HMCES: variants seen among roughly 807,000 people sequenced by gnomAD.
HMCES encodes the protein abasic site processing protein HMCES.
HMCES carries 27 observed loss-of-function variants against 35.1 expected under a neutral mutation model. The observed-to-expected ratio is 0.77, with a 90% confidence interval of 0.57 to 1.06. The LOEUF is 1.06. Among genes scored for constraint, HMCES ranks in the 50% least tolerant of loss-of-function variants. HMCES has a pLI of 0.00. For synonymous variants in HMCES, 130 were observed against 154.7 expected (o/e 0.84, Z 1.18); for missense variants, 391 against 430.4 (o/e 0.91, Z 0.81).
chr3:129,300,910 A>T (rs535653679), intron 5 of HMCES, among the ~76,000 whole-genome samples: 4 of 152,216 alleles, frequency 2.6e-5, no homozygotes, highest in Admixed American at 2.0e-4. Context: ...GGCTGCCTGT[A>T]GTCCCAGCTA....
At chr3:129,300,827 G>A (rs534624918) in intron 5 of HMCES, among the ~76,000 whole-genome samples, 15 of 151,926 alleles carry the variant, frequency 9.9e-5, no homozygotes, top group African/African-American at 2.9e-4. Flanking sequence ...TCAGGAGATC[G>A]AGACCATCCT....
Position 129,302,172 on chromosome 3 carries a change from T to C in HMCES, c.828+30T>C, listed in dbSNP as rs1170048758. 5 of 1,544,606 alleles carry C rather than the reference T, an allele frequency of 3.2e-6. No homozygotes were observed. In the African/African-American group the frequency reaches 6.9e-5, roughly 21 times the overall value. On this transcript the variant is annotated intron_variant, in intron 6 of 6. Coordinates refer to ENST00000383463, the MANE Select transcript of HMCES (RefSeq NM_020187.3). ...GGGCCTGTGACTGGTACAGTCCTTTTTGAGCTTTCTGTCTTCTGTCAGTGT... is the reference window on the plus strand; with the variant it reads ...GGGCCTGTGACTGGTACAGTCCTTTCTGAGCTTTCTGTCTTCTGTCAGTGT...
chr3:129,298,943 G>C (rs1244647752), intron 5 of HMCES, among the ~76,000 whole-genome samples: 2 of 152,158 alleles, frequency 1.3e-5, no homozygotes, highest in Non-Finnish European at 2.9e-5. Flanking sequence ...AGGAGATCGA[G>C]ACCATCCTGG....
At chr3:129,282,255 T>G (rs1940512921) in intron 2 of HMCES, among the ~76,000 whole-genome samples, 1 of 147,102 alleles carries the variant, frequency 6.8e-6, no homozygotes, top group Admixed American at 6.7e-5. Flanking sequence ...AGGCCAGGAT[T>G]TCAGGACACC....
intron 4 of HMCES, 144 bp from the exon 5 acceptor site, chr3:129,298,210 C>G: frequency 1.4e-6 from 1 of 691,422 alleles, no homozygotes; most frequent in Non-Finnish European, 2.4e-6. Flanking sequence ...ACCTTCTTTC[C>G]TTTGGTGACA....
intron 2 of HMCES, among the ~76,000 whole-genome samples, chr3:129,285,993 G>A (rs773617920): frequency 6.6e-6 from 1 of 152,184 alleles, no homozygotes; most frequent in African/African-American, 2.4e-5. Context: ...GCCTCCCAAA[G>A]TGCTGGGATT....
chr3:129,288,056 CA>C lies in HMCES; in HGVS notation c.184-789del, dbSNP rs545251733. 4.8e-3 allele frequency among the ~76,000 whole-genome samples: 694 copies of C among 144,998 alleles called. 8 individuals carry two copies. Among genetic ancestry groups the C allele is most frequent in the African/African-American group, 0.017 (656 of 39,182 alleles). On this transcript the variant is annotated intron_variant, in intron 2 of 6. Coordinates refer to ENST00000383463, the MANE Select transcript of HMCES (RefSeq NM_020187.3). ...TGGGCAACAGAGCGAGACTCCGTCT[CA>C]AAAAAAAATAAAAATAAAAAAATTC...
chr3:129,296,959 C>T (rs966507885), intron 4 of HMCES, among the ~76,000 whole-genome samples: 6 of 152,028 alleles, frequency 3.9e-5, no homozygotes, highest in Non-Finnish European at 5.9e-5. Context: ...AGGATGGTCT[C>T]GATCTCCTGA....
At position 129,306,151 on chromosome 3, in the gene HMCES, T is replaced by C. The variant is rs1035582928; in HGVS notation, c.*1326T>C. ...ACTTACTAGTATGACTGTTTTGTCA[T>C]ATTTGCTTCCAGGTTAATAAATGAC... On this transcript the variant is annotated 3_prime_UTR_variant, in exon 7 of 7. Transcript: ENST00000383463. 6.6e-6 allele frequency: 1 copy of C among 152,268 alleles called. No homozygotes were observed. The highest frequency in any genetic ancestry group is 1.5e-5 in the Non-Finnish European group (1 of 68,046). The allele number at this position is 152,268 out of a possible 1,614,324, so 9.4% of individuals were successfully genotyped here. A position where few individuals can be genotyped will look rare whatever the true frequency, so the allele number is the denominator to read the frequency against.
Position 129,279,544 on chromosome 3 carries a change from C to G in HMCES, c.-23-166C>G, listed in dbSNP as rs1055979843. ...TGGGCAGTGGGCTCAGGGAGCGAAGCAAACGGGCACATCCTTGTCTTTGTG... is the reference window on the plus strand; with the variant it reads ...TGGGCAGTGGGCTCAGGGAGCGAAGGAAACGGGCACATCCTTGTCTTTGTG... On this transcript the variant is annotated intron_variant, in intron 1 of 6. Coordinates refer to ENST00000383463, the MANE Select transcript of HMCES (RefSeq NM_020187.3). This position sits in a 1 kb window ranked among gnomAD's most constrained non-coding sequence, Gnocchi z 4.2. Among the ~76,000 whole-genome samples, 2 of 152,230 alleles carry G rather than the reference C, an allele frequency of 1.3e-5. No homozygotes were observed. Among genetic ancestry groups the G allele is most frequent in the Non-Finnish European group, 2.9e-5 (2 of 68,040 alleles).
chr3:129,294,895 T>C (rs1374744516), intron 4 of HMCES, among the ~76,000 whole-genome samples: 1 of 151,542 alleles, frequency 6.6e-6, no homozygotes, highest in South Asian at 2.1e-4. Context: ...CAGTGGCTCA[T>C]GCCTGTAATC....
intron 2 of HMCES, among the ~76,000 whole-genome samples, chr3:129,280,763 G>C (rs1443149298): frequency 6.6e-6 from 1 of 152,124 alleles, no homozygotes; most frequent in African/African-American, 2.4e-5. Context: ...ATTTATCCCT[G>C]TAGTGTTGGA....
At chr3:129,301,345 T>G in intron 5 of HMCES, among the ~76,000 whole-genome samples, 1 of 152,224 alleles carries the variant, frequency 6.6e-6, no homozygotes, top group East Asian at 1.9e-4. Context: ...GTATTTAACA[T>G]TATTTTATAT....
intron 4 of HMCES, among the ~76,000 whole-genome samples, chr3:129,294,223 C>T (rs1284850864): frequency 1.3e-5 from 2 of 151,888 alleles, no homozygotes; most frequent in East Asian, 1.9e-4. Context: ...TCAAGACCAT[C>T]GTGGCTAACA....
chr3:129,298,522 G>A lies in HMCES; in HGVS notation c.622G>A (p.Asp208Asn), dbSNP rs2071121456. ...AGTGGATTCCTGCAAAGGCTTGAGT[G>A]ACATCCACCACAGGCAAGTCATACT... ...ITVDSCKGLS[D>N]IHHRMPAILD... Residue 208 changes from aspartate (D) to asparagine (N), a missense_variant, in exon 5 of 7, where the codon GAC (aspartate) becomes AAC (asparagine). Coordinates refer to ENST00000383463, the MANE Select transcript of HMCES (RefSeq NM_020187.3). 1 of 1,613,648 alleles carries A rather than the reference G, an allele frequency of 6.2e-7. No homozygotes were observed. Among genetic ancestry groups the A allele is most frequent in the Non-Finnish European group, 8.5e-7 (1 of 1,179,612 alleles).
chr3:129,293,684 C>G (rs1038153473), intron 4 of HMCES, among the ~76,000 whole-genome samples: 2 of 150,024 alleles, frequency 1.3e-5, no homozygotes, highest in African/African-American at 4.9e-5. Context: ...AATTCTGCCT[C>G]GGCCGCCTGA....
intron 6 of HMCES, among the ~76,000 whole-genome samples, chr3:129,303,896 C>A (rs1382032826): frequency 6.6e-6 from 1 of 152,106 alleles, no homozygotes; most frequent in East Asian, 1.9e-4. Flanking sequence ...GCGTACACCA[C>A]CATGCCTGGC....
chr3:129,302,110 T>A lies in HMCES; in HGVS notation c.796T>A (p.Cys266Ser). The A allele has an allele frequency of 6.2e-7, 1 of 1,613,644 alleles. No individual in the cohort carries two copies. The highest frequency in any genetic ancestry group is 8.5e-7 in the Non-Finnish European group (1 of 1,179,866). Residue 266 changes from cysteine (C) to serine (S), a missense_variant, in exon 6 of 7, where the codon TGT becomes AGT. By Grantham distance (112) the Cys-to-Ser change is moderately radical (BLOSUM62 -1). Transcript: ENST00000383463. The part of the protein sequence containing the change: ...VNNSRNNTPE[C>S]LAPVDLVVKK... ...CAACTCGCGAAACAACACTCCTGAG[T>A]GTCTGGCTCCTGTCGACTTGGTGGT... is the stretch of plus-strand genomic sequence containing the variant.
intron 6 of HMCES, 96 bp downstream of exon 6, chr3:129,302,238 T>G: frequency 9.3e-7 from 1 of 1,078,492 alleles, no homozygotes; most frequent in South Asian, 1.6e-5. Context: ...ATCAGCCCTT[T>G]AATTTGGACC....
Sources: gnomAD v4.1 joint callset for allele counts (sites outside exome capture counted in the v4.1 genomes callset) on GRCh38, gnomAD v4.1.1 for gene constraint, Gnocchi (gnomAD v3.1) non-coding constraint, MANE v1.5 for transcripts, NCBI Gene and HGNC (gene_info 2026-07-23, HGNC 2026-07-21) for gene names.